The following ACBD6 variants were observed in gnomAD, a reference collection of about 807,000 sequenced individuals.
The protein encoded by ACBD6 is acyl-CoA binding domain containing 6, also known as acyl-CoA-binding domain-containing protein 6.
A neutral mutation model predicts 37.2 loss-of-function variants in ACBD6; 28 were observed. The ratio of observed to expected loss-of-function variants is 0.75; its 90% CI spans 0.56 to 1.03. The LOEUF (loss-of-function observed/expected upper bound fraction) is 1.03, where lower values mean the gene tolerates loss of function less well. Among genes scored for constraint, ACBD6 ranks in the 50% least tolerant of loss-of-function variants. ACBD6 has a pLI of 0.00. For synonymous variants in ACBD6, 113 were observed against 126.8 expected (o/e 0.89, Z 0.73); for missense variants, 340 against 337.4 (o/e 1.01, Z -0.06).
intron 7 of ACBD6, among the ~76,000 whole-genome samples, chr1:180,299,561 C>CTT (rs112570140): frequency 8.3e-4 from 122 of 147,734 alleles, no homozygotes; most frequent in African/African-American, 2.9e-3. Flanking sequence ...TAATGAATTT[C>CTT]TTTTTTTTTT....
At chr1:180,329,376 T>G (rs1345589354) in intron 6 of ACBD6, among the ~76,000 whole-genome samples, 1 of 152,190 alleles carries the variant, frequency 6.6e-6, no homozygotes, top group African/African-American at 2.4e-5. Context: ...GGATATTCAT[T>G]TATCCTTTAT....
chr1:180,361,031 G>A (rs992715291), intron 6 of ACBD6, among the ~76,000 whole-genome samples: 1 of 152,108 alleles, frequency 6.6e-6, no homozygotes, highest in South Asian at 2.1e-4. Context: ...CTTTAAGAGT[G>A]TCTTGATGGA....
chr1:180,276,424 C>T (rs954076556), intron 9 of ACBD6: 10 of 152,178 alleles, frequency 6.6e-5, no homozygotes, highest in Admixed American at 5.9e-4. Context: ...AGCGTACCCT[C>T]GTTTTTTGGT....
At chr1:180,448,525 G>C (rs1231907968) in intron 3 of ACBD6, among the ~76,000 whole-genome samples, 1 of 151,942 alleles carries the variant, frequency 6.6e-6, no homozygotes. Context: ...TATTGTCCTT[G>C]TTGTCCTACT....
At chr1:180,295,791 G>T (rs1400896226) in intron 7 of ACBD6, among the ~76,000 whole-genome samples, 1 of 152,000 alleles carries the variant, frequency 6.6e-6, no homozygotes, top group East Asian at 1.9e-4. Flanking sequence ...ACTGTACCAT[G>T]GAACAGCCAA....
chr1:180,499,642 T>C (rs184253768), intron 1 of ACBD6, among the ~76,000 whole-genome samples: 39 of 152,352 alleles, frequency 2.6e-4, no homozygotes, highest in Admixed American at 2.2e-3. Context: ...AGTCTCATAC[T>C]GCCCAGAGAA....
chr1:180,280,517 A>G (rs568428572), intron 9 of ACBD6, among the ~76,000 whole-genome samples: 1 of 152,276 alleles, frequency 6.6e-6, no homozygotes, highest in South Asian at 2.1e-4. Context: ...CTTAAACCGG[A>G]AAGTTAGTAC....
intron 7 of ACBD6, among the ~76,000 whole-genome samples, chr1:180,291,655 A>AT (rs534171649): frequency 1.7e-3 from 254 of 151,594 alleles, no homozygotes; most frequent in African/African-American, 5.6e-3. Flanking sequence ...ATGACTTCTC[A>AT]TTTTTTTTAA....
chr1:180,280,998 C>T (rs192201599), intron 9 of ACBD6, among the ~76,000 whole-genome samples: 2 of 152,302 alleles, frequency 1.3e-5, no homozygotes, highest in Non-Finnish European at 2.9e-5. Flanking sequence ...TCTTTCTTTT[C>T]AACATACTAT....
chr1:180,477,667 G>T (rs555692437), intron 3 of ACBD6, among the ~76,000 whole-genome samples: 30 of 151,932 alleles, frequency 2.0e-4, no homozygotes, highest in African/African-American at 7.2e-4. Flanking sequence ...ATACACACAG[G>T]TTACTTTTTT....
intron 4 of ACBD6, 80 bp from the exon 5 acceptor site, chr1:180,413,551 C>T: frequency 8.8e-7 from 1 of 1,134,752 alleles, no homozygotes; most frequent in Non-Finnish European, 1.3e-6. Context: ...CTGTTTGCTG[C>T]TGACATAGAT....
intron 6 of ACBD6, among the ~76,000 whole-genome samples, chr1:180,333,345 CTG>C (rs1450919703): frequency 6.6e-6 from 1 of 152,100 alleles, no homozygotes; most frequent in Non-Finnish European, 1.5e-5. Context: ...TGCATTCAAT[CTG>C]TTGTGACAAC....
intron 3 of ACBD6, among the ~76,000 whole-genome samples, chr1:180,474,495 A>T (rs1446125547): frequency 1.3e-5 from 2 of 152,198 alleles, no homozygotes; most frequent in East Asian, 3.8e-4. Context: ...CATGTGGAGA[A>T]AATAATTCAG....
intron 6 of ACBD6, among the ~76,000 whole-genome samples, chr1:180,387,235 T>C (rs1178416678): frequency 1.3e-5 from 2 of 152,238 alleles, no homozygotes; most frequent in Non-Finnish European, 2.9e-5. Flanking sequence ...GTCAGTATAA[T>C]GTACGAGTCA....
At chr1:180,364,728 C>T (rs923205799) in intron 6 of ACBD6, among the ~76,000 whole-genome samples, 17 of 121,610 alleles carry the variant, frequency 1.4e-4, no homozygotes, top group African/African-American at 5.1e-4. Flanking sequence ...CTTTAAATTC[C>T]TTTCTATCTT....
intron 6 of ACBD6, among the ~76,000 whole-genome samples, chr1:180,333,631 C>A (rs772294779): frequency 2.0e-5 from 3 of 152,142 alleles, no homozygotes; most frequent in Non-Finnish European, 4.4e-5. Flanking sequence ...ACTGAGGTAC[C>A]GGGGTCATCT....
At chr1:180,321,074 T>C (rs556903590) in intron 6 of ACBD6, among the ~76,000 whole-genome samples, 1 of 152,236 alleles carries the variant, frequency 6.6e-6, no homozygotes, top group East Asian at 1.9e-4. Flanking sequence ...ATGTTTTTGG[T>C]ACTTTTGTTG....
At chr1:180,370,897 C>T (rs1285330995) in intron 6 of ACBD6, among the ~76,000 whole-genome samples, 3 of 151,932 alleles carry the variant, frequency 2.0e-5, no homozygotes, top group African/African-American at 7.2e-5. Context: ...TTATGGAAAA[C>T]ATGTGGGTTC....
chr1:180,450,614 G>T (rs1312887626), intron 3 of ACBD6, among the ~76,000 whole-genome samples: 3 of 152,088 alleles, frequency 2.0e-5, no homozygotes, highest in Non-Finnish European at 4.4e-5. Flanking sequence ...AAAAAAATTA[G>T]CCAGGCGTGG....
Sources: gnomAD v4.1 joint callset for allele counts (sites outside exome capture counted in the v4.1 genomes callset) on GRCh38, gnomAD v4.1.1 for gene constraint, MANE v1.5 for transcripts, NCBI Gene and HGNC (gene_info 2026-07-23, HGNC 2026-07-21) for gene names.